Variants in ASIC2 observed in about 807,000 individuals in gnomAD.
ASIC2 encodes the protein acid sensing ion channel subunit 2, also known as acid-sensing ion channel 2.
ASIC2 carries 25 observed loss-of-function variants against 57.3 expected under a neutral mutation model. That is an observed-to-expected ratio of 0.44 (90% CI 0.32 to 0.61). The LOEUF (loss-of-function observed/expected upper bound fraction) is 0.61, where lower values mean the gene tolerates loss of function less well. Ranked by LOEUF, ASIC2 falls within the 20% of genes least tolerant of loss-of-function variation. The pLI is 0.06. For missense variants in ASIC2, 641 were observed against 738.1 expected, an observed-to-expected ratio of 0.87 and a Z score of 1.52; for synonymous variants, 319 against 307.5, an observed-to-expected ratio of 1.04 and a Z score of -0.39.
chr17:33,672,727 A>G (rs748467066), intron 1 of ASIC2, among the ~76,000 whole-genome samples: 6 of 152,308 alleles, frequency 3.9e-5, no homozygotes, highest in Non-Finnish European at 8.8e-5. Flanking sequence ...TACAACCTGT[A>G]TTCAAGTTCT....
At chr17:33,837,448 C>A (rs547794492) in intron 1 of ASIC2, among the ~76,000 whole-genome samples, 2 of 152,322 alleles carry the variant, frequency 1.3e-5, no homozygotes, top group African/African-American at 4.8e-5. Context: ...TAATAGTGCT[C>A]ACTGTAATTT....
chr17:33,233,743 G>A (rs1302868969), intron 1 of ASIC2, among the ~76,000 whole-genome samples: 5 of 151,934 alleles, frequency 3.3e-5, no homozygotes, highest in African/African-American at 9.7e-5. Flanking sequence ...GACTTGAGGT[G>A]CTAGCTCTTT....
At chr17:33,277,523 C>T (rs1904753485) in intron 1 of ASIC2, among the ~76,000 whole-genome samples, 1 of 152,214 alleles carries the variant, frequency 6.6e-6, no homozygotes, top group African/African-American at 2.4e-5. Flanking sequence ...GAACACAATG[C>T]CAGGGAAAGG....
chr17:33,699,707 T>C (rs1417684285), intron 1 of ASIC2, among the ~76,000 whole-genome samples: 2 of 152,120 alleles, frequency 1.3e-5, no homozygotes, highest in Admixed American at 6.5e-5. Context: ...AACAAGGCTG[T>C]AAAGAAGGGG....
intron 1 of ASIC2, among the ~76,000 whole-genome samples, chr17:33,268,565 T>G (rs926227222): frequency 7.2e-5 from 11 of 152,190 alleles, no homozygotes; most frequent in Non-Finnish European, 1.5e-4. Flanking sequence ...AGAAATTTAG[T>G]GCTAAGTAAC....
At chr17:34,080,731 A>G (rs916798228) in intron 1 of ASIC2, among the ~76,000 whole-genome samples, 1 of 152,214 alleles carries the variant, frequency 6.6e-6, no homozygotes, top group Non-Finnish European at 1.5e-5. Context: ...TGATCCCTTC[A>G]GTTTTCAGAC....
At chr17:33,651,222 T>C (rs1033361379) in intron 1 of ASIC2, among the ~76,000 whole-genome samples, 9 of 152,164 alleles carry the variant, frequency 5.9e-5, no homozygotes, top group Non-Finnish European at 1.2e-4. Context: ...GTTAAGTGTA[T>C]TGTGCCACTG....
At position 33,981,411 on chromosome 17, in the gene ASIC2, G is replaced by A. The variant is rs186094469; in HGVS notation, c.555+174567C>T. Among the ~76,000 whole-genome samples the A allele has an allele frequency of 3.3e-4, 50 of 152,256 alleles. 1 individual carries two copies. The East Asian group carries it at 3.5e-3, about 11-fold the overall frequency. ...AGTTTACAAAAACATTGATGACTGCGATCTCACTTGATCTTCACAATGATT... is the reference window on the plus strand; with the variant it reads ...AGTTTACAAAAACATTGATGACTGCAATCTCACTTGATCTTCACAATGATT... On this transcript the variant is annotated intron_variant, in intron 1 of 9. Coordinates refer to the ASIC2 transcript ENST00000359872.
At chr17:33,175,327 G>A (rs1283058488) in intron 1 of ASIC2, among the ~76,000 whole-genome samples, 1 of 152,126 alleles carries the variant, frequency 6.6e-6, no homozygotes, top group Non-Finnish European at 1.5e-5. Flanking sequence ...GGCGCATTCT[G>A]GGCACTTCTT....
chr17:33,962,681 A>C (rs991615639), intron 1 of ASIC2, among the ~76,000 whole-genome samples: 7 of 152,156 alleles, frequency 4.6e-5, no homozygotes, highest in African/African-American at 1.7e-4. Context: ...CTCTTTAAGT[A>C]TGTGAGAGAT....
intron 1 of ASIC2, among the ~76,000 whole-genome samples, chr17:33,729,056 T>C (rs910701681): frequency 1.3e-5 from 2 of 152,090 alleles, no homozygotes; most frequent in African/African-American, 4.8e-5. Flanking sequence ...CCTGCATTAG[T>C]CAATTTTTGT....
At chr17:34,030,072 T>C (rs1907533204) in intron 1 of ASIC2, among the ~76,000 whole-genome samples, 1 of 152,210 alleles carries the variant, frequency 6.6e-6, no homozygotes. Flanking sequence ...TACCCCCTAC[T>C]ACTAGTGTCC....
At chr17:33,949,406 G>A (rs1326464999) in intron 1 of ASIC2, among the ~76,000 whole-genome samples, 1 of 152,098 alleles carries the variant, frequency 6.6e-6, no homozygotes, top group Non-Finnish European at 1.5e-5. Context: ...TGCATAGCCT[G>A]GCACCACACT....
chr17:33,101,276 C>T (rs990513907), intron 2 of ASIC2, among the ~76,000 whole-genome samples: 17 of 152,170 alleles, frequency 1.1e-4, no homozygotes, highest in African/African-American at 3.9e-4. Flanking sequence ...AAACGTGCTA[C>T]CCGTGATAGC....
rs1270149851 is a variant in ASIC2 at position 33,977,099 on chromosome 17, C to T, written c.555+178879G>A. Among the ~76,000 whole-genome samples, 3 of 152,090 alleles carry T rather than the reference C, an allele frequency of 2.0e-5. No homozygotes were observed. The East Asian group carries it at 5.8e-4, about 29-fold the overall frequency. On this transcript the variant is annotated intron_variant, in intron 1 of 9. Transcript: ENST00000359872. ...TTCTGGCCCTGCTGTCTTTATCCCC[C>T]ATCTAGCAAATGGCAGCATTAGGCA...
At chr17:33,650,557 C>A (rs1462093735) in intron 1 of ASIC2, among the ~76,000 whole-genome samples, 1 of 152,066 alleles carries the variant, frequency 6.6e-6, no homozygotes, top group African/African-American at 2.4e-5. Flanking sequence ...TTCGTAATAG[C>A]GAAAACCTGA....
intron 1 of ASIC2, among the ~76,000 whole-genome samples, chr17:33,656,614 A>C (rs891330882): frequency 6.4e-4 from 98 of 152,132 alleles, no homozygotes; most frequent in Admixed American, 2.2e-3. Context: ...TATGCTCTCT[A>C]TTCCTTCTTC....
intron 1 of ASIC2, among the ~76,000 whole-genome samples, chr17:34,067,264 C>T (rs932516813): frequency 6.6e-6 from 1 of 152,170 alleles, no homozygotes; most frequent in East Asian, 1.9e-4. Flanking sequence ...TACACAGAGG[C>T]CTGGGCATGT....
At chr17:33,843,132 ATTGT>A (rs1340125027) in intron 1 of ASIC2, among the ~76,000 whole-genome samples, 1 of 152,140 alleles carries the variant, frequency 6.6e-6, no homozygotes, top group African/African-American at 2.4e-5. Flanking sequence ...GCCATTTGCA[ATTGT>A]TTGTTTCTGT....
Sources: gnomAD v4.1 joint callset for allele counts (sites outside exome capture counted in the v4.1 genomes callset) on GRCh38, gnomAD v4.1.1 for gene constraint, MANE v1.5 for transcripts, NCBI Gene and HGNC (gene_info 2026-07-23, HGNC 2026-07-21) for gene names.